TSR1: variants seen among roughly 807,000 people sequenced by gnomAD.
TSR1 encodes the protein pre-rRNA-processing protein TSR1 homolog.
In TSR1, 81 loss-of-function variants were observed where a neutral mutation model predicts 90.9. The ratio of observed to expected loss-of-function variants is 0.89; its 90% confidence interval spans 0.74 to 1.07. The LOEUF (loss-of-function observed/expected upper bound fraction) is 1.07. TSR1 is among the 50% of genes least tolerant of loss of function. The pLI, the probability that TSR1 is intolerant of heterozygous loss-of-function variation, is 0.00. For missense variants in TSR1, 989 were observed against 987.3 expected (o/e 1.00, Z -0.02); for synonymous variants, 362 against 348.8 (o/e 1.04, Z -0.42).
intron 11 of TSR1, among the ~76,000 whole-genome samples, chr17:2,328,561 C>T (rs2075587214): frequency 6.6e-6 from 1 of 151,650 alleles, no homozygotes. Flanking sequence ...TGCACTCCAG[C>T]CTGGGCAACG....
In TSR1 at chr17:2,333,332, T is replaced by C. The variant is rs764715570; in HGVS notation, c.1142-208A>G. 3.1e-5 allele frequency: 26 copies of C among 846,522 alleles called. 1 individual carries two copies. Among genetic ancestry groups the C allele is most frequent in the East Asian group, 2.9e-4 (11 of 37,838 alleles). The allele number at this position is 846,522 out of a possible 1,614,324, so 52.4% of individuals were successfully genotyped here. On this transcript the variant is annotated intron_variant, in intron 6 of 14. Transcript: ENST00000301364. ...AATAAGCCCTGCAATGAATCCAAAG[T>C]TGTTTATCTGTTCATGATAAAACAT...
At chr17:2,325,268 C>G (rs1448451289) in intron 12 of TSR1, 36 bp downstream of exon 12, 3 of 1,479,228 alleles carry the variant, frequency 2.0e-6, no homozygotes, top group Non-Finnish European at 2.8e-6. Flanking sequence ...CTATTAAGGA[C>G]CTGCAGGGTC....
At chr17:2,330,887 A>G in intron 9 of TSR1, 60 bp downstream of exon 9, 2 of 1,521,334 alleles carry the variant, frequency 1.3e-6, no homozygotes, top group East Asian at 2.3e-5. Context: ...AGAAGGAATA[A>G]AGTAGGGAGC....
In TSR1 at chr17:2,331,550, C is replaced by T. The variant is rs78932154; in HGVS notation, c.1497-441G>A. Among the ~76,000 whole-genome samples the T allele has an allele frequency of 2.9e-4, 44 of 152,090 alleles. No individual in the cohort carries two copies. The East Asian group carries it at 7.7e-3, about 27-fold the overall frequency. ...GCCTTGCTCTCGTTACTGCGCTGGC[C>T]GTGTGACATGACTTGCTCCCCCTCC... On this transcript the variant is annotated intron_variant, in intron 8 of 14. Coordinates refer to ENST00000301364, the MANE Select transcript of TSR1 (RefSeq NM_018128.5).
rs538849860 is a variant in TSR1, at chr17:2,331,069, G to A, written c.1537C>T (p.Pro513Ser). Residue 513 changes from proline to serine, a missense_variant, in exon 9 of 15, where the codon CCA becomes TCA. Physicochemically the swap from Pro to Ser is moderately conservative, Grantham distance 74. Transcript: ENST00000301364. ...YRGLKSFRTS[P>S]WDPKENLPQD... ...GGAAGGTTTTCCTTAGGATCCCATG[G>A]AGATGTCCGGAAGCTCTTAAGGCCT... The A allele has an allele frequency of 5.6e-6, 9 of 1,604,742 alleles. No individual in the cohort carries two copies. In the South Asian group the frequency reaches 7.9e-5, roughly 14 times the overall value.
rs776277475 is a variant in TSR1 at position 2,334,484 on chromosome 17, G to A, written c.969C>T (p.Asp323=). The change falls in exon 5 of 15, where the codon GAC becomes GAT. Residue 323 remains aspartate, a synonymous_variant. Coordinates refer to ENST00000301364, the MANE Select transcript of TSR1 (RefSeq NM_018128.5). The part of the protein sequence containing the change: ...PRGIKPQKDP[D]MAMEICATDA... ...ATATCAGTCTTACCTCCATTGCCATGTCTGGGTCCTTTTGGGGTTTAATTC... is the reference window on the plus strand; with the variant it reads ...ATATCAGTCTTACCTCCATTGCCATATCTGGGTCCTTTTGGGGTTTAATTC... 6.2e-7 allele frequency: 1 copy of A among 1,613,314 alleles called. No homozygotes were observed. The highest frequency in any genetic ancestry group is 8.5e-7 in the Non-Finnish European group (1 of 1,179,412).
In TSR1 at chr17:2,336,120, G is replaced by T; in HGVS notation, c.118C>A (p.Leu40Ile). ...DGKGRLALKT[L>I]SKKVRKELSR... Reference sequence around the variant, plus strand: ...AGTTCTTTTCTCACCTTCTTGCTTAGGGTTTTCAGTGCCAGACGGCCTGAA... The same window carrying T: ...AGTTCTTTTCTCACCTTCTTGCTTATGGTTTTCAGTGCCAGACGGCCTGAA... Residue 40 changes from leucine to isoleucine, a missense_variant, in exon 2 of 15, where the codon CTA becomes ATA. Physicochemically the swap from Leu to Ile is conservative, Grantham distance 5. Transcript: ENST00000301364. 1 of 1,614,210 alleles carries T rather than the reference G, an allele frequency of 6.2e-7. No homozygotes were observed. Among genetic ancestry groups the T allele is most frequent in the Non-Finnish European group, 8.5e-7 (1 of 1,180,032 alleles).
rs756075402 is a variant in TSR1, at chr17:2,335,404, G to A, written c.422-10C>T. On this transcript the variant is annotated splice_polypyrimidine_tract_variant and intron_variant, in intron 3 of 14. Transcript: ENST00000301364. Reference sequence around the variant, plus strand: ...ACAACGTGCAGATCCCCTGCAGATAGAAGACACAGTAAGAAGAGGTGGTTG... The same window carrying A: ...ACAACGTGCAGATCCCCTGCAGATAAAAGACACAGTAAGAAGAGGTGGTTG... The A allele has an allele frequency of 5.0e-6, 8 of 1,604,128 alleles. No homozygotes were observed. In the South Asian group the frequency reaches 6.6e-5, roughly 13 times the overall value.
chr17:2,333,393 T>C (rs1377611771), intron 6 of TSR1, 164 bp downstream of exon 6: 1 of 927,600 alleles, frequency 1.1e-6, no homozygotes, highest in African/African-American at 1.6e-5. Flanking sequence ...AACAAGACTG[T>C]GTATAATGTT....
In TSR1 at chr17:2,324,270, G is replaced by C; in HGVS notation, c.2341C>G (p.Pro781Ala). Residue 781 changes from proline (P) to alanine (A), a missense_variant, in exon 15 of 15, where the codon CCA becomes GCA. Transcript: ENST00000301364. ...KRVFPKWTYDPYVPEPVPWLK... is the reference protein window; with the variant it reads ...KRVFPKWTYDAYVPEPVPWLK... ...CAGGGTACTGGTTCTGGTACATATG[G>C]ATCATAAGTCCATTTGGGGAAGACT... The C allele has an allele frequency of 1.3e-6, 2 of 1,553,068 alleles. No homozygotes were observed. The highest frequency in any genetic ancestry group is 2.5e-5 in the South Asian group (2 of 79,308).
Position 2,329,444 on chromosome 17 carries a change from T to C in TSR1, c.1802A>G (p.Asp601Gly). Residue 601 changes from aspartate (D) to glycine (G), a missense_variant, in exon 11 of 15, where the codon GAC becomes GGC. Physicochemically the swap from Asp to Gly is moderately conservative, Grantham distance 94. Transcript: ENST00000301364. ...MSVLNMVVRR[D>G]PGNTEPVKAK... is the part of the protein sequence containing the mutation. The stretch of plus-strand genomic sequence containing the variant: ...TTTCACAGGTTCAGTGTTGCCAGGG[T>C]CACGCCTCACCACCATATTCAATAC... 1.9e-6 allele frequency: 3 copies of C among 1,614,116 alleles called. No homozygotes were observed. The East Asian group carries it at 6.7e-5, about 36-fold the overall frequency.
At position 2,332,989 on chromosome 17, in the gene TSR1, T is replaced by C. The variant is rs2064018294; in HGVS notation, c.1277A>G (p.His426Arg). 2 of 1,614,108 alleles carry C rather than the reference T, an allele frequency of 1.2e-6. No individual in the cohort carries two copies. Among genetic ancestry groups the C allele is most frequent in the Non-Finnish European group, 1.7e-6 (2 of 1,180,014 alleles). Residue 426 changes from histidine (H) to arginine (R), a missense_variant, in exon 7 of 15, where the codon CAT (histidine) becomes CGT (arginine). Transcript: ENST00000301364. The part of the protein sequence containing the change: ...GDEYEYDDME[H>R]EDFMEEESQD... ...AGATTCCTCCTCCATAAAATCCTCATGTTCCATATCATCATATTCATATTC... is the reference window on the plus strand; with the variant it reads ...AGATTCCTCCTCCATAAAATCCTCACGTTCCATATCATCATATTCATATTC...
intron 7 of TSR1, among the ~76,000 whole-genome samples, chr17:2,332,673 A>G (rs1165021632): frequency 6.6e-6 from 1 of 152,018 alleles, no homozygotes; most frequent in African/African-American, 2.4e-5. Context: ...CGTCTCTACT[A>G]AAAATACAAA....
chr17:2,330,433 C>T (rs945443613), intron 10 of TSR1, 82 bp downstream of exon 10: 4 of 1,323,012 alleles, frequency 3.0e-6, no homozygotes, highest in Non-Finnish European at 4.4e-6. Context: ...AAATTTTAGT[C>T]ACACATAAAC....
In TSR1 at chr17:2,322,875, C is replaced by G. The variant is rs1334104239; in HGVS notation, c.*1321G>C. 7 of 419,080 alleles carry G rather than the reference C, an allele frequency of 1.7e-5. No individual in the cohort carries two copies. Among genetic ancestry groups the G allele is most frequent in the African/African-American group, 6.1e-5 (3 of 49,228 alleles). The allele number at this position is 419,080 out of a possible 1,614,324, so 26.0% of individuals were successfully genotyped here. A position where few individuals can be genotyped will look rare whatever the true frequency, so the allele number is the denominator to read the frequency against. ...CCCCTCCCAAGTTCAAGTGATTCTC[C>G]TACCTCAGCCTCTTGAGTAGCTGGG... On this transcript the variant is annotated 3_prime_UTR_variant, in exon 15 of 15. Transcript: ENST00000301364.
intron 10 of TSR1, 66 bp downstream of exon 10, chr17:2,330,449 T>A (rs1331132595): frequency 2.0e-6 from 3 of 1,474,700 alleles, no homozygotes. Flanking sequence ...TAAACAGAAT[T>A]TTAGACTGTC....
chr17:2,336,454 C>T lies in TSR1; in HGVS notation c.-27G>A. 3 of 1,603,160 alleles carry T rather than the reference C, an allele frequency of 1.9e-6. No homozygotes were observed. The highest frequency in any genetic ancestry group is 2.5e-6 in the Non-Finnish European group (3 of 1,178,080). On this transcript the variant is annotated 5_prime_UTR_variant, in exon 1 of 15. Coordinates refer to ENST00000301364, the MANE Select transcript of TSR1 (RefSeq NM_018128.5). ...CCGCAGCGCGCGTGTACGGAGTCAG[C>T]ACTGCTTCCGGGCCAGGACAAGCGC...
intron 7 of TSR1, among the ~76,000 whole-genome samples, chr17:2,332,698 A>G (rs930665883): frequency 6.6e-6 from 1 of 152,038 alleles, no homozygotes; most frequent in East Asian, 1.9e-4. Context: ...TTAGCCAGGC[A>G]TGGTGGTGGG....
chr17:2,336,235 G>A, intron 1 of TSR1, 95 bp from the exon 2 acceptor site: 1 of 1,601,542 alleles, frequency 6.2e-7, no homozygotes, highest in Non-Finnish European at 8.6e-7. Context: ...CCTTTCGCGT[G>A]GAGCCCAGAC....
Sources: allele counts gnomAD v4.1 joint callset (sites outside exome capture counted in the v4.1 genomes callset), GRCh38; gene constraint gnomAD v4.1.1; transcripts MANE v1.5; gene names NCBI Gene and HGNC (gene_info 2026-07-23, HGNC 2026-07-21).